Variants in TBC1D22A observed in about 807,000 individuals in gnomAD.
The protein encoded by TBC1D22A is TBC1 domain family member 22A.
TBC1D22A carries 38 observed loss-of-function variants against 60.2 expected under a neutral mutation model. That is an observed-to-expected ratio of 0.63 (90% confidence interval 0.49 to 0.83). TBC1D22A has a LOEUF of 0.83. Among genes scored for constraint, TBC1D22A ranks in the 40% least tolerant of loss-of-function variants. The pLI is 0.00. For missense variants in TBC1D22A, 628 were observed against 701.0 expected (o/e 0.90, Z 1.18); for synonymous variants, 302 against 281.7 (o/e 1.07, Z -0.72).
At chr22:47,007,519 C>T (rs1227453794) in intron 10 of TBC1D22A, among the ~76,000 whole-genome samples, 1 of 152,216 alleles carries the variant, frequency 6.6e-6, no homozygotes, top group East Asian at 1.9e-4. Context: ...ATACCACAGG[C>T]TGGTGGCTTA....
At chr22:47,044,291 C>T (rs2062958791) in intron 11 of TBC1D22A, among the ~76,000 whole-genome samples, 1 of 152,240 alleles carries the variant, frequency 6.6e-6, no homozygotes, top group South Asian at 2.1e-4. Context: ...TCACTTCCTC[C>T]ACCATCTGGG....
chr22:46,766,109 T>C (rs904763433), intron 1 of TBC1D22A, among the ~76,000 whole-genome samples: 1 of 152,022 alleles, frequency 6.6e-6, no homozygotes, highest in African/African-American at 2.4e-5. Context: ...GCCATTTTCC[T>C]GCCTCAGCCT....
intron 11 of TBC1D22A, among the ~76,000 whole-genome samples, chr22:47,106,098 A>G (rs780039995): frequency 1.3e-5 from 2 of 152,226 alleles, no homozygotes; most frequent in Non-Finnish European, 2.9e-5. Flanking sequence ...TTATTAATGA[A>G]CTAGAAGAGA....
At chr22:46,803,082 C>A (rs1002625792) in intron 4 of TBC1D22A, among the ~76,000 whole-genome samples, 2 of 152,070 alleles carry the variant, frequency 1.3e-5, no homozygotes, top group Non-Finnish European at 2.9e-5. Context: ...TTAAATGCTC[C>A]CATGGTTACA....
chr22:47,115,041 C>T (rs1202881587), intron 12 of TBC1D22A, among the ~76,000 whole-genome samples: 1 of 6,954 alleles, frequency 1.4e-4, no homozygotes, highest in Non-Finnish European at 2.6e-4. Context: ...TGGGGCGGGG[C>T]GGGGCGGGGT....
At chr22:46,884,897 T>A (rs1569172869) in intron 5 of TBC1D22A, among the ~76,000 whole-genome samples, 2 of 151,944 alleles carry the variant, frequency 1.3e-5, no homozygotes, top group Non-Finnish European at 2.9e-5. Flanking sequence ...GAGTGACGAG[T>A]CTCGGCCTCT....
intron 10 of TBC1D22A, among the ~76,000 whole-genome samples, chr22:47,024,880 A>G (rs131944): frequency 0.23 from 35,743 of 152,154 alleles, 4,515 homozygotes; most frequent in East Asian, 0.29. Flanking sequence ...AGAAAAGCCC[A>G]CAAATATGAA....
chr22:47,062,729 C>G (rs1289665524), intron 11 of TBC1D22A, among the ~76,000 whole-genome samples: 2 of 152,202 alleles, frequency 1.3e-5, no homozygotes, highest in Non-Finnish European at 2.9e-5. Context: ...TCTGCACAAA[C>G]TGCGTATCTG....
intron 4 of TBC1D22A, among the ~76,000 whole-genome samples, chr22:46,802,281 G>A (rs2084931909): frequency 6.6e-6 from 1 of 152,226 alleles, no homozygotes; most frequent in Non-Finnish European, 1.5e-5. Context: ...GGAGACAGAG[G>A]GAGCTCGCTC....
intron 12 of TBC1D22A, among the ~76,000 whole-genome samples, chr22:47,118,020 A>G (rs1853544561): frequency 6.6e-6 from 1 of 152,082 alleles, no homozygotes; most frequent in Admixed American, 6.6e-5. Flanking sequence ...CTACTGGGGA[A>G]GCTGAGGTAA....
chr22:46,944,070 G>T (rs1204462266), intron 8 of TBC1D22A, among the ~76,000 whole-genome samples: 1 of 152,166 alleles, frequency 6.6e-6, no homozygotes, highest in Non-Finnish European at 1.5e-5. Flanking sequence ...CCTAGGAGTG[G>T]AATTGCTGGT....
intron 4 of TBC1D22A, among the ~76,000 whole-genome samples, chr22:46,850,640 T>TAG (rs1569128921): frequency 6.6e-6 from 1 of 152,188 alleles, no homozygotes; most frequent in South Asian, 2.1e-4. Flanking sequence ...CAGTTCAACA[T>TAG]AGAGCTGCCA....
At chr22:46,795,757 T>A (rs1415280397) in intron 3 of TBC1D22A, among the ~76,000 whole-genome samples, 1 of 152,250 alleles carries the variant, frequency 6.6e-6, no homozygotes, top group Middle Eastern at 3.2e-3. Context: ...CATGGACTTA[T>A]GGGCTCTGCT....
chr22:46,789,772 C>T (rs1224656891), intron 1 of TBC1D22A, among the ~76,000 whole-genome samples: 2 of 151,996 alleles, frequency 1.3e-5, no homozygotes, highest in African/African-American at 2.4e-5. Flanking sequence ...ACATTTGAAC[C>T]CTTCTTTATT....
At chr22:46,987,700 C>G (rs9680812) in intron 9 of TBC1D22A, among the ~76,000 whole-genome samples, 2,657 of 152,306 alleles carry the variant, frequency 0.017, 97 homozygotes, top group African/African-American at 0.06. Context: ...AAGTTGTAAT[C>G]TTTTTCCCAG....
intron 6 of TBC1D22A, among the ~76,000 whole-genome samples, chr22:46,893,602 G>A (rs528573413): frequency 2.4e-4 from 36 of 152,350 alleles, no homozygotes; most frequent in African/African-American, 8.4e-4. Flanking sequence ...GGGGACAGAT[G>A]TGTGTCCACA....
At chr22:47,069,913 T>C (rs2063912288) in intron 11 of TBC1D22A, among the ~76,000 whole-genome samples, 1 of 139,874 alleles carries the variant, frequency 7.1e-6, no homozygotes, top group South Asian at 2.3e-4. Context: ...GTTCCAGCGC[T>C]GTCCCCTGTT....
chr22:46,981,670 T>A (rs2074517057), intron 9 of TBC1D22A, among the ~76,000 whole-genome samples: 1 of 152,210 alleles, frequency 6.6e-6, no homozygotes, highest in Admixed American at 6.5e-5. Flanking sequence ...TCTTCCTCTT[T>A]GTCTTCCACC....
chr22:47,089,300 A>G (rs1477568120), intron 11 of TBC1D22A, among the ~76,000 whole-genome samples: 1 of 152,216 alleles, frequency 6.6e-6, no homozygotes, highest in East Asian at 1.9e-4. Context: ...GTGAAATGTG[A>G]TGTCTGGGAT....
Sources: allele counts gnomAD v4.1 joint callset (sites outside exome capture counted in the v4.1 genomes callset), GRCh38; gene constraint gnomAD v4.1.1; transcripts MANE v1.5; gene names NCBI Gene and HGNC (gene_info 2026-07-23, HGNC 2026-07-21).